UNC13C: variants seen among roughly 807,000 people sequenced by gnomAD.
UNC13C encodes unc-13 homolog C, also known as protein unc-13 homolog C.
A neutral mutation model predicts 245.4 loss-of-function variants in UNC13C; 174 were observed. The observed-to-expected ratio is 0.71, with a 90% CI of 0.63 to 0.80. The LOEUF (loss-of-function observed/expected upper bound fraction) is 0.80. Ranked by LOEUF, UNC13C falls within the 30% of genes least tolerant of loss-of-function variation. The pLI is 0.00. For synonymous variants in UNC13C, 992 were observed against 895.1 expected, an observed-to-expected ratio of 1.11 and a Z score of -1.93; for missense variants, 2,829 against 2,602.9, an observed-to-expected ratio of 1.09 and a Z score of -1.89.
chr15:53,966,542 G>A, the UNC13C span, among the ~76,000 whole-genome samples: 1 of 151,958 alleles, frequency 6.6e-6, no homozygotes, highest in Non-Finnish European at 1.5e-5. Context: ...TCACATTTAT[G>A]GTTCATATTT....
intron 18 of UNC13C, among the ~76,000 whole-genome samples, chr15:54,406,998 T>C (rs1193058816): frequency 1.3e-5 from 2 of 152,044 alleles, no homozygotes; most frequent in Non-Finnish European, 2.9e-5. Context: ...AGATTATTCA[T>C]AGTAAGGGTT....
intron 30 of UNC13C, among the ~76,000 whole-genome samples, chr15:54,585,211 G>T (rs548973699): frequency 3.9e-5 from 6 of 152,286 alleles, no homozygotes; most frequent in African/African-American, 1.2e-4. Context: ...GCAGGTGTTT[G>T]GGTCACGGGG....
At chr15:54,353,879 T>C (rs2039037560) in intron 17 of UNC13C, among the ~76,000 whole-genome samples, 1 of 152,108 alleles carries the variant, frequency 6.6e-6, no homozygotes, top group East Asian at 1.9e-4. Flanking sequence ...CCATAAAAAC[T>C]TGGAGGACGC....
At chr15:54,008,870 G>A (rs1214030855) in intron 1 of UNC13C, among the ~76,000 whole-genome samples, 1 of 152,134 alleles carries the variant, frequency 6.6e-6, no homozygotes, top group African/African-American at 2.4e-5. Flanking sequence ...GCAGTTTTTG[G>A]TTGTATCTCT....
At chr15:54,129,263 A>T (rs373760465) in intron 2 of UNC13C, among the ~76,000 whole-genome samples, 2 of 152,222 alleles carry the variant, frequency 1.3e-5, no homozygotes, top group Non-Finnish European at 2.9e-5. Context: ...ACATATGTAC[A>T]TACATCCACA....
At chr15:54,221,929 T>A (rs80093668) in intron 4 of UNC13C, among the ~76,000 whole-genome samples, 6,665 of 152,080 alleles carry the variant, frequency 0.044, 294 homozygotes, top group East Asian at 0.23. Flanking sequence ...TGCTTGATAG[T>A]TTTTTGGGAA....
Position 54,463,896 on chromosome 15 carries a change from G to C in UNC13C, c.4934-30712G>C, listed in dbSNP as rs1250654520. 2.0e-5 allele frequency among the ~76,000 whole-genome samples: 3 copies of C among 152,178 alleles called. No homozygotes were observed. In the South Asian group the frequency reaches 6.2e-4, roughly 31 times the overall value. On this transcript the variant is annotated intron_variant, in intron 19 of 32. Transcript: ENST00000260323. ...AAGACCATGGGAGGGGATGGCTGAA[G>C]TGGAAGAAGGGACAAGCCCAATGGA...
intron 30 of UNC13C, among the ~76,000 whole-genome samples, chr15:54,614,444 G>A (rs1431430583): frequency 6.6e-6 from 1 of 151,886 alleles, no homozygotes; most frequent in Non-Finnish European, 1.5e-5. Context: ...ACTTTCCCCT[G>A]TAGCTGTTAT....
chr15:53,942,943 G>A, the UNC13C span, among the ~76,000 whole-genome samples: 23 of 152,318 alleles, frequency 1.5e-4, no homozygotes, highest in African/African-American at 4.1e-4. Context: ...GATTGCAGGC[G>A]TGAGCCATTG....
chr15:54,365,702 T>C (rs982950154), intron 17 of UNC13C, among the ~76,000 whole-genome samples: 2 of 151,808 alleles, frequency 1.3e-5, no homozygotes, highest in Non-Finnish European at 2.9e-5. Flanking sequence ...TAGTGGGCCC[T>C]TATATGACAA....
chr15:54,143,487 G>A (rs2032118065), intron 3 of UNC13C, 133 bp from the exon 4 acceptor site: 1 of 639,922 alleles, frequency 1.6e-6, no homozygotes. Context: ...ACTTGGAGCT[G>A]ACCCTGCTTA....
At chr15:54,391,677 A>C (rs1295897493) in intron 17 of UNC13C, among the ~76,000 whole-genome samples, 1 of 152,048 alleles carries the variant, frequency 6.6e-6, no homozygotes. Flanking sequence ...TACCATTTTA[A>C]TCTAGTTCTG....
chr15:53,968,266 C>A, the UNC13C span: 1 of 152,286 alleles, frequency 6.6e-6, no homozygotes, highest in South Asian at 2.1e-4. Context: ...AGGCAACCCC[C>A]GTGGGTTCAG....
chr15:54,081,355 T>C (rs1000098869), intron 2 of UNC13C, among the ~76,000 whole-genome samples: 4 of 152,222 alleles, frequency 2.6e-5, no homozygotes, highest in East Asian at 1.9e-4. Flanking sequence ...TAGCTTATGC[T>C]TTGATTATCT....
chr15:54,193,242 T>A (rs1042138431), intron 4 of UNC13C, among the ~76,000 whole-genome samples: 1 of 152,174 alleles, frequency 6.6e-6, no homozygotes, highest in Non-Finnish European at 1.5e-5. Flanking sequence ...GTTACATATC[T>A]CCTTATGAAT....
the UNC13C span, among the ~76,000 whole-genome samples, chr15:53,909,778 T>C: frequency 1.4e-5 from 2 of 146,476 alleles, 1 homozygote; most frequent in African/African-American, 4.9e-5. Context: ...TTTAATTCTT[T>C]CTTTGAACTA....
chr15:54,314,321 A>C (rs2037954328), intron 13 of UNC13C, among the ~76,000 whole-genome samples: 1 of 151,826 alleles, frequency 6.6e-6, no homozygotes, highest in African/African-American at 2.4e-5. Context: ...AAAAAAAGAT[A>C]AGTATGGGAG....
At position 54,599,539 on chromosome 15, in the gene UNC13C, G is replaced by A. The variant is rs575609604; in HGVS notation, c.6107-22788G>A. ...CTCCAGTAAGACTATCCAAGTTTCC[G>A]AAAGTAAGATTTTTCCAACGATATT... is the stretch of plus-strand genomic sequence containing the variant. On this transcript the variant is annotated intron_variant, in intron 30 of 32. Transcript: ENST00000260323. Among the ~76,000 whole-genome samples, 35 of 152,086 alleles carry A rather than the reference G, an allele frequency of 2.3e-4. 1 individual carries two copies. Among genetic ancestry groups the A allele is most frequent in the South Asian group, 4.2e-4 (2 of 4,810 alleles).
intron 7 of UNC13C, among the ~76,000 whole-genome samples, chr15:54,240,710 G>A (rs1318928407): frequency 2.0e-5 from 3 of 152,252 alleles, no homozygotes; most frequent in African/African-American, 4.8e-5. Flanking sequence ...AGCTTAATAA[G>A]CTGTTAAGGA....
Sources: allele counts gnomAD v4.1 joint callset (sites outside exome capture counted in the v4.1 genomes callset), GRCh38; gene constraint gnomAD v4.1.1; transcripts MANE v1.5; gene names NCBI Gene and HGNC (gene_info 2026-07-23, HGNC 2026-07-21).